Variants in GSK3B observed in about 807,000 individuals in gnomAD.
GSK3B encodes the protein glycogen synthase kinase 3 beta, also known as glycogen synthase kinase-3 beta.
In GSK3B, 15 loss-of-function variants were observed where a neutral mutation model predicts 56.4. That is an observed-to-expected ratio of 0.27 (90% CI 0.18 to 0.41). The LOEUF is 0.41. Among genes scored for constraint, GSK3B ranks in the 10% least tolerant of loss-of-function variants. GSK3B has a pLI of 1.00. For missense variants in GSK3B, 300 were observed against 513.4 expected (o/e 0.58, Z 4.02); for synonymous variants, 181 against 188.9 (o/e 0.96, Z 0.34).
At chr3:119,965,601 A>G (rs1468611599) in intron 2 of GSK3B, among the ~76,000 whole-genome samples, 1 of 151,674 alleles carries the variant, frequency 6.6e-6, no homozygotes, top group African/African-American at 2.4e-5. Flanking sequence ...AATATTTTGA[A>G]TTCTTTGATT....
chr3:120,014,560 T>C (rs771044025), intron 1 of GSK3B, among the ~76,000 whole-genome samples: 9 of 152,246 alleles, frequency 5.9e-5, no homozygotes, highest in Non-Finnish European at 1.0e-4. Context: ...AACCAAGCAG[T>C]TGAATCAATC....
intron 3 of GSK3B, among the ~76,000 whole-genome samples, chr3:119,924,905 T>C (rs1239617001): frequency 6.6e-6 from 1 of 152,216 alleles, no homozygotes; most frequent in Non-Finnish European, 1.5e-5. Flanking sequence ...AGAAAAAGCT[T>C]GTGGTTTTTC....
At chr3:119,990,641 G>T (rs534287321) in intron 2 of GSK3B, among the ~76,000 whole-genome samples, 1 of 152,104 alleles carries the variant, frequency 6.6e-6, no homozygotes, top group African/African-American at 2.4e-5. Context: ...TATTAAAATG[G>T]TATTAAGCCA....
At chr3:119,942,832 G>C (rs2057063351) in intron 3 of GSK3B, among the ~76,000 whole-genome samples, 1 of 152,116 alleles carries the variant, frequency 6.6e-6, no homozygotes, top group Non-Finnish European at 1.5e-5. Context: ...TAAGCCCAGG[G>C]TTTCAAAACA....
rs537110807 is a variant in GSK3B at position 119,870,391 on chromosome 3, G to A, written c.909+6022C>T. Among the ~76,000 whole-genome samples the A allele has an allele frequency of 3.9e-5, 6 of 152,262 alleles. No homozygotes were observed. In the South Asian group the frequency reaches 1.0e-3, roughly 26 times the overall value. On this transcript the variant is annotated intron_variant, in intron 8 of 10. Coordinates refer to ENST00000264235, the MANE Select transcript of GSK3B (RefSeq NM_001146156.2). ...TACCCAGCACAGCACTGGTTACATAGAAGATACAAGATTTAAAGAATAAAT... is the reference window on the plus strand; with the variant it reads ...TACCCAGCACAGCACTGGTTACATAAAAGATACAAGATTTAAAGAATAAAT...
At chr3:120,039,924 C>A (rs550110508) in intron 1 of GSK3B, among the ~76,000 whole-genome samples, 2 of 152,216 alleles carry the variant, frequency 1.3e-5, no homozygotes, top group Admixed American at 6.5e-5. Flanking sequence ...GGGAAAGGGT[C>A]TTGGTCCTCT....
intron 2 of GSK3B, among the ~76,000 whole-genome samples, chr3:119,962,752 G>A (rs187314695): frequency 6.6e-6 from 1 of 152,200 alleles, no homozygotes; most frequent in Admixed American, 6.5e-5. Context: ...TTTGGCACAA[G>A]GGACCAGTTC....
At chr3:119,925,149 C>T (rs192195146) in intron 3 of GSK3B, among the ~76,000 whole-genome samples, 129 of 152,080 alleles carry the variant, frequency 8.5e-4, no homozygotes, top group Admixed American at 2.5e-3. Context: ...GGCAACATGG[C>T]AAAACCCCAT....
At chr3:119,839,732 G>A (rs779935119) in intron 10 of GSK3B, among the ~76,000 whole-genome samples, 12 of 152,126 alleles carry the variant, frequency 7.9e-5, no homozygotes, top group Non-Finnish European at 1.6e-4. Flanking sequence ...TTTGCTTCTT[G>A]TTGATATGAC....
chr3:120,056,094 A>G (rs145181643), intron 1 of GSK3B, among the ~76,000 whole-genome samples: 2 of 152,376 alleles, frequency 1.3e-5, no homozygotes, highest in East Asian at 1.9e-4. Context: ...AGGCATATAC[A>G]GAATCCAGGT....
intron 1 of GSK3B, among the ~76,000 whole-genome samples, chr3:120,070,123 G>GA (rs2058314358): frequency 6.6e-6 from 1 of 151,800 alleles, no homozygotes; most frequent in Non-Finnish European, 1.5e-5. Flanking sequence ...TGAGGCAGAA[G>GA]AATCACTTGA....
chr3:119,933,226 A>G (rs1559842855), intron 3 of GSK3B, among the ~76,000 whole-genome samples: 1 of 152,224 alleles, frequency 6.6e-6, no homozygotes, highest in Non-Finnish European at 1.5e-5. Context: ...ACAATTTTTC[A>G]TCTATCAAAC....
At chr3:119,924,693 C>G (rs1004264482) in intron 3 of GSK3B, among the ~76,000 whole-genome samples, 1 of 152,186 alleles carries the variant, frequency 6.6e-6, no homozygotes, top group Non-Finnish European at 1.5e-5. Context: ...TGCTTAAATT[C>G]CACGGTCCAT....
intron 7 of GSK3B, among the ~76,000 whole-genome samples, chr3:119,890,436 A>G (rs2056488951): frequency 6.6e-6 from 1 of 152,156 alleles, no homozygotes; most frequent in African/African-American, 2.4e-5. Context: ...ATCTGTAGTG[A>G]CAGAAAATAG....
chr3:120,036,977 C>A (rs999321118), intron 1 of GSK3B, among the ~76,000 whole-genome samples: 3 of 152,124 alleles, frequency 2.0e-5, no homozygotes, highest in Admixed American at 1.3e-4. Context: ...CAAAACCTAA[C>A]ACTCAAAATT....
rs139402886 is a variant in GSK3B, at chr3:119,843,260, G to A, written c.1190C>T (p.Ala397Val). 3.3e-5 allele frequency: 52 copies of A among 1,598,658 alleles called. No homozygotes were observed. In the Middle Eastern group the frequency reaches 5.0e-4, roughly 15 times the overall value. The change falls in exon 10 of 11, where the codon GCG (alanine) becomes GTG (valine). Residue 397 changes from alanine to valine, a missense_variant. Coordinates refer to ENST00000264235, the MANE Select transcript of GSK3B (RefSeq NM_001146156.2). ...AASTPTNATA[A>V]SDANTGDRGQ... ...GAGACTTAGAACGTTCTTACCTGAC[G>A]CTGCTGTGGCATTTGTGGGGGTTGA...
intron 1 of GSK3B, among the ~76,000 whole-genome samples, chr3:120,031,700 A>C (rs1265339747): frequency 1.3e-5 from 2 of 152,200 alleles, no homozygotes; most frequent in African/African-American, 4.8e-5. Context: ...TTTCACAGGG[A>C]ATATTTAAAT....
chr3:120,042,364 G>A (rs1335697789), intron 1 of GSK3B, among the ~76,000 whole-genome samples: 1 of 152,170 alleles, frequency 6.6e-6, no homozygotes, highest in Non-Finnish European at 1.5e-5. Flanking sequence ...ACTCATTAAG[G>A]ACCCCAGGCC....
chr3:119,966,761 A>C (rs1231482680), intron 2 of GSK3B, among the ~76,000 whole-genome samples: 2 of 152,200 alleles, frequency 1.3e-5, no homozygotes, highest in Non-Finnish European at 2.9e-5. Flanking sequence ...AATGTAACCT[A>C]TCTTAATATT....
Sources: gnomAD v4.1 joint callset for allele counts (sites outside exome capture counted in the v4.1 genomes callset) on GRCh38, gnomAD v4.1.1 for gene constraint, MANE v1.5 for transcripts, NCBI Gene and HGNC (gene_info 2026-07-23, HGNC 2026-07-21) for gene names.